The following PDE3B variants were observed in gnomAD, a reference collection of about 807,000 sequenced individuals.
PDE3B encodes the protein cGMP-inhibited 3',5'-cyclic phosphodiesterase 3B.
In PDE3B, 66 loss-of-function variants were observed where a neutral mutation model predicts 116.8. The ratio of observed to expected loss-of-function variants is 0.56; its 90% CI spans 0.46 to 0.69. PDE3B has a LOEUF of 0.69. Ranked by LOEUF, PDE3B falls within the 30% of genes least tolerant of loss-of-function variation. The pLI is 0.00. For synonymous variants in PDE3B, 595 were observed against 533.6 expected (o/e 1.12, Z -1.59); for missense variants, 1,384 against 1,368.1 (o/e 1.01, Z -0.18).
chr11:14,696,322 C>T (rs1455576426), intron 1 of PDE3B, among the ~76,000 whole-genome samples: 5 of 152,112 alleles, frequency 3.3e-5, no homozygotes, highest in African/African-American at 7.2e-5. Context: ...TGAGAAGTGT[C>T]TGTTCATATC....
At position 14,645,028 on chromosome 11, in the gene PDE3B, C is replaced by G. The variant is rs1853350864; in HGVS notation, c.953C>G (p.Ser318Trp). The change falls in exon 1 of 16, where the codon TCG becomes TGG. Residue 318 changes from serine (S) to tryptophan (W), a missense_variant. Physicochemically the swap from Ser to Trp is radical, Grantham distance 177. Around this residue, in one of 2 missense-constraint regions of PDE3B, gnomAD observed 956 missense variants for 806.8 expected, o/e 1.18. Transcript: ENST00000282096. The part of the protein sequence containing the change: ...YGSCKIFRRP[S>W]LPCISREQMI... ...AGTTGCAAAATATTCAGGAGACCGT[C>G]GTTGCCTTGTATTTCCAGAGAACAG... 1 of 1,610,780 alleles carries G rather than the reference C, an allele frequency of 6.2e-7. No individual in the cohort carries two copies. Among genetic ancestry groups the G allele is most frequent in the Non-Finnish European group, 8.5e-7 (1 of 1,178,464 alleles).
chr11:14,800,945 G>T (rs1858741416), intron 4 of PDE3B, among the ~76,000 whole-genome samples: 1 of 151,750 alleles, frequency 6.6e-6, no homozygotes, highest in Non-Finnish European at 1.5e-5. Flanking sequence ...GATCAATTAG[G>T]CTATTGATAC....
chr11:14,784,943 TTG>T (rs1238758806), intron 2 of PDE3B, among the ~76,000 whole-genome samples: 1 of 152,144 alleles, frequency 6.6e-6, no homozygotes, highest in African/African-American at 2.4e-5. Context: ...AAAATTGTTT[TTG>T]TGTGTGTTCC....
chr11:14,696,732 A>G (rs1855218319), intron 1 of PDE3B, among the ~76,000 whole-genome samples: 2 of 152,090 alleles, frequency 1.3e-5, no homozygotes, highest in Non-Finnish European at 2.9e-5. Flanking sequence ...TATTGGGAAT[A>G]TCTTCTCCTG....
At chr11:14,667,462 A>G (rs1449957653) in intron 1 of PDE3B, among the ~76,000 whole-genome samples, 1 of 150,506 alleles carries the variant, frequency 6.6e-6, no homozygotes, top group Admixed American at 6.6e-5. Flanking sequence ...ATTAAATTAA[A>G]AAAAAGAAAA....
At chr11:14,742,783 T>G (rs1052374329) in intron 1 of PDE3B, among the ~76,000 whole-genome samples, 5 of 152,098 alleles carry the variant, frequency 3.3e-5, no homozygotes, top group Non-Finnish European at 7.4e-5. Context: ...ACATGCGATT[T>G]CTTTCTGCTT....
chr11:14,882,349 T>C, the PDE3B span, among the ~76,000 whole-genome samples: 2 of 152,040 alleles, frequency 1.3e-5, no homozygotes, highest in Non-Finnish European at 2.9e-5. Flanking sequence ...TGAGTAAACA[T>C]TCATAGGAGA....
chr11:14,727,621 C>T (rs1856346430), intron 1 of PDE3B, among the ~76,000 whole-genome samples: 1 of 152,014 alleles, frequency 6.6e-6, no homozygotes, highest in Admixed American at 6.5e-5. Flanking sequence ...ATGTCTTAGA[C>T]TGGATTATTG....
intron 1 of PDE3B, among the ~76,000 whole-genome samples, chr11:14,710,994 C>A (rs1317649517): frequency 2.6e-5 from 4 of 152,058 alleles, no homozygotes; most frequent in African/African-American, 9.7e-5. Context: ...ATATAATAGG[C>A]TATTACATAG....
At chr11:14,758,229 A>G (rs1285001618) in intron 1 of PDE3B, among the ~76,000 whole-genome samples, 5 of 151,704 alleles carry the variant, frequency 3.3e-5, no homozygotes, top group African/African-American at 1.2e-4. Context: ...GTTTGAAGTC[A>G]GGTAGTGTGA....
rs749656209 is a variant in PDE3B, at chr11:14,831,672, A to G, written c.1989A>G (p.Leu663=). 9 of 1,592,032 alleles carry G rather than the reference A, an allele frequency of 5.7e-6. No individual in the cohort carries two copies. The highest frequency in any genetic ancestry group is 6.9e-6 in the Non-Finnish European group (8 of 1,166,490). Residue 663 remains leucine (L), a synonymous_variant, in exon 9 of 16, where the codon TTA becomes TTG. Transcript: ENST00000282096. ...IEQEVSLDLI[L]VEEYDSLIEK... is the part of the protein sequence containing the mutation. ...AGGAAGTATCACTGGACCTGATTTT[A>G]GTAGAAGAGTATGACTCATTAATAG...
chr11:14,682,364 G>A (rs1854736928), intron 1 of PDE3B, among the ~76,000 whole-genome samples: 1 of 152,084 alleles, frequency 6.6e-6, no homozygotes, highest in South Asian at 2.1e-4. Flanking sequence ...TATTGTACTG[G>A]CTAGGACTTC....
intron 12 of PDE3B, among the ~76,000 whole-genome samples, chr11:14,849,097 C>G (rs1847680497): frequency 6.6e-6 from 1 of 152,072 alleles, no homozygotes; most frequent in Non-Finnish European, 1.5e-5. Context: ...TACTACAAGG[C>G]TACACTAACC....
chr11:14,759,198 A>G (rs907987413), intron 1 of PDE3B, among the ~76,000 whole-genome samples: 1 of 152,100 alleles, frequency 6.6e-6, no homozygotes. Context: ...TTTTTGCATC[A>G]ATGTTCGTCA....
intron 1 of PDE3B, among the ~76,000 whole-genome samples, chr11:14,760,861 C>G (rs1362593144): frequency 6.6e-6 from 1 of 152,154 alleles, no homozygotes; most frequent in South Asian, 2.1e-4. Context: ...GTGTAACAAT[C>G]AAATCAGGGT....
At chr11:14,706,515 G>A (rs1327382268) in intron 1 of PDE3B, among the ~76,000 whole-genome samples, 3 of 151,804 alleles carry the variant, frequency 2.0e-5, no homozygotes, top group Non-Finnish European at 4.4e-5. Context: ...TAAAGTGCGG[G>A]CACATAGTAA....
At chr11:14,842,326 T>C (rs1270788896) in intron 11 of PDE3B, among the ~76,000 whole-genome samples, 1 of 152,222 alleles carries the variant, frequency 6.6e-6, no homozygotes, top group African/African-American at 2.4e-5. Flanking sequence ...TGGAAACATA[T>C]ATAAGCTAAT....
chr11:14,882,389 G>A, the PDE3B span, among the ~76,000 whole-genome samples: 1 of 152,106 alleles, frequency 6.6e-6, no homozygotes, highest in Non-Finnish European at 1.5e-5. Flanking sequence ...AATACCTGAG[G>A]AAAGACCACT....
Position 14,644,146 on chromosome 11 carries a change from C to A in PDE3B, c.71C>A (p.Pro24His). ...CCGCCGGATGGGGCCGGCTCGCCCCCCGAGAGTCTGAGGAACGGCTACGTG... is the reference window on the plus strand; with the variant it reads ...CCGCCGGATGGGGCCGGCTCGCCCCACGAGAGTCTGAGGAACGGCTACGTG... Reference protein sequence around the residue: ...LQPPDGAGSPPESLRNGYVKS... With the variant: ...LQPPDGAGSPHESLRNGYVKS... Residue 24 changes from proline to histidine, a missense_variant, in exon 1 of 16, where the codon CCC becomes CAC. By Grantham distance (77) the Pro-to-His change is moderately conservative (BLOSUM62 -2). Transcript: ENST00000282096. 1 of 1,592,300 alleles carries A rather than the reference C, an allele frequency of 6.3e-7. No homozygotes were observed. Among genetic ancestry groups the A allele is most frequent in the East Asian group, 2.3e-5 (1 of 43,780 alleles).
Sources: gnomAD v4.1 joint callset for allele counts (sites outside exome capture counted in the v4.1 genomes callset) on GRCh38, gnomAD v4.1.1 for gene constraint, gnomAD v4.1.1 regional missense constraint, MANE v1.5 for transcripts, NCBI Gene and HGNC (gene_info 2026-07-23, HGNC 2026-07-21) for gene names.